The following EPHA6 variants were observed in gnomAD, a reference collection of about 807,000 sequenced individuals.
EPHA6 encodes the protein EPH receptor A6.
EPHA6 carries 50 observed loss-of-function variants against 112.0 expected under a neutral mutation model. That is an observed-to-expected ratio of 0.45 (90% confidence interval 0.36 to 0.56). EPHA6 has a LOEUF of 0.56. Ranked by LOEUF, EPHA6 falls within the 20% of genes least tolerant of loss-of-function variation. EPHA6 has a pLI of 0.00. For missense variants in EPHA6, 1,280 were observed against 1,417.4 expected (o/e 0.90, Z 1.56); for synonymous variants, 529 against 490.7 (o/e 1.08, Z -1.03).
chr3:97,004,546 T>C (rs2107917082), intron 3 of EPHA6, among the ~76,000 whole-genome samples: 1 of 152,372 alleles, frequency 6.6e-6, no homozygotes, highest in Middle Eastern at 3.4e-3. Context: ...ATTAGACATT[T>C]GTCAGATGAG....
At chr3:97,691,997 C>T (rs936382144) in intron 14 of EPHA6, among the ~76,000 whole-genome samples, 7 of 152,288 alleles carry the variant, frequency 4.6e-5, no homozygotes, top group African/African-American at 1.4e-4. Flanking sequence ...CTTTGACCAA[C>T]AATCATGGTC....
At chr3:97,434,073 T>C (rs2089676329) in intron 6 of EPHA6, among the ~76,000 whole-genome samples, 1 of 152,302 alleles carries the variant, frequency 6.6e-6, no homozygotes, top group East Asian at 1.9e-4. Flanking sequence ...TATTATTTCT[T>C]ACATCTGTGC....
chr3:97,256,365 G>C (rs1418604881), intron 5 of EPHA6, among the ~76,000 whole-genome samples: 2 of 151,912 alleles, frequency 1.3e-5, no homozygotes, highest in African/African-American at 4.8e-5. Context: ...GCAGAGTATG[G>C]GAAGAGTTTT....
chr3:97,456,514 A>G (rs1455765930), intron 7 of EPHA6, among the ~76,000 whole-genome samples: 1 of 152,162 alleles, frequency 6.6e-6, no homozygotes, highest in Non-Finnish European at 1.5e-5. Context: ...TATCCAATAA[A>G]TACACAATAC....
intron 12 of EPHA6, among the ~76,000 whole-genome samples, chr3:97,599,207 T>G (rs1195627846): frequency 1.1e-4 from 17 of 150,378 alleles, no homozygotes; most frequent in African/African-American, 3.9e-4. Context: ...TTTCTCCCAT[T>G]TTGTAGGTTG....
chr3:97,526,271 G>T (rs779006127), intron 10 of EPHA6, among the ~76,000 whole-genome samples: 18 of 152,170 alleles, frequency 1.2e-4, no homozygotes, highest in Admixed American at 2.0e-4. Context: ...AGACAAAAGG[G>T]GTCTGGACCT....
At position 97,618,604 on chromosome 3, in the gene EPHA6, C is replaced by G. The variant is rs540245486; in HGVS notation, c.2574+7750C>G. Among the ~76,000 whole-genome samples the G allele has an allele frequency of 2.2e-3, 329 of 152,088 alleles. 1 individual carries two copies. The highest frequency in any genetic ancestry group is 7.0e-3 in the African/African-American group (289 of 41,524). On this transcript the variant is annotated intron_variant, in intron 13 of 17. Coordinates refer to ENST00000389672, the MANE Select transcript of EPHA6 (RefSeq NM_001080448.3). Reference sequence around the variant, plus strand: ...AGGGAGATATTACCCCACAGAAATACAAGCAACGATCAGAGAATACTATAA... The same window carrying G: ...AGGGAGATATTACCCCACAGAAATAGAAGCAACGATCAGAGAATACTATAA...
intron 6 of EPHA6, chr3:97,447,829 G>T (rs2090401190): frequency 2.0e-6 from 2 of 1,010,970 alleles, no homozygotes; most frequent in Non-Finnish European, 2.4e-6. Context: ...GATTCTGCAG[G>T]TATGGTAAGT....
chr3:97,283,632 G>A (rs2080366200), intron 5 of EPHA6, among the ~76,000 whole-genome samples: 1 of 152,026 alleles, frequency 6.6e-6, no homozygotes, highest in South Asian at 2.1e-4. Flanking sequence ...GGGAGGGAGA[G>A]CATTGGGATA....
chr3:97,430,088 CAT>C (rs1332945599), intron 6 of EPHA6, among the ~76,000 whole-genome samples: 4 of 152,166 alleles, frequency 2.6e-5, no homozygotes, highest in African/African-American at 7.2e-5. Flanking sequence ...TTAAATATCA[CAT>C]AGTTTTATTT....
Position 97,749,222 on chromosome 3 carries a change from T to C in EPHA6, c.*521T>C, listed in dbSNP as rs2035834785. On this transcript the variant is annotated 3_prime_UTR_variant, in exon 18 of 18. Coordinates refer to ENST00000389672, the MANE Select transcript of EPHA6 (RefSeq NM_001080448.3). ...CTTTAACTGTTGGTGCCTGATATTG[T>C]TAGAATTATTTGCAGAAATGACCAG... 4.6e-6 allele frequency: 1 copy of C among 219,180 alleles called. No homozygotes were observed. The highest frequency in any genetic ancestry group is 9.1e-6 in the Non-Finnish European group (1 of 109,296). The allele number at this position is 219,180 out of a possible 1,614,324, so 13.6% of individuals were successfully genotyped here. A position where few individuals can be genotyped will look rare whatever the true frequency, so the allele number is the denominator to read the frequency against.
rs1288275294 is a variant in EPHA6, at chr3:96,934,943, A to G, written c.451-52387A>G. 3.9e-5 allele frequency among the ~76,000 whole-genome samples: 6 copies of G among 151,956 alleles called. No individual in the cohort carries two copies. The East Asian group carries it at 5.8e-4, about 15-fold the overall frequency. Reference sequence around the variant, plus strand: ...CATTACTTGTTTTTAATATACTAACATCATAAAGAAATGGGGATATGATAT... The same window carrying G: ...CATTACTTGTTTTTAATATACTAACGTCATAAAGAAATGGGGATATGATAT... On this transcript the variant is annotated intron_variant, in intron 2 of 17. Transcript: ENST00000389672.
At chr3:97,420,846 C>CA (rs148265178) in intron 6 of EPHA6, among the ~76,000 whole-genome samples, 5,593 of 128,972 alleles carry the variant, frequency 0.043, 106 homozygotes, top group Middle Eastern at 0.096. Context: ...GACAAACAGA[C>CA]AAAAAAAAAA....
intron 1 of EPHA6, among the ~76,000 whole-genome samples, chr3:96,847,506 C>T (rs768318790): frequency 3.3e-5 from 5 of 151,854 alleles, no homozygotes; most frequent in South Asian, 4.2e-4. Flanking sequence ...AGTAATGTTT[C>T]TCTTAAGAAG....
intron 3 of EPHA6, chr3:96,994,342 A>G (rs1373285472): frequency 1.3e-5 from 3 of 234,338 alleles, no homozygotes; most frequent in Non-Finnish European, 2.6e-5. Flanking sequence ...GGACATGTTG[A>G]TGTTACAGAT....
intron 12 of EPHA6, among the ~76,000 whole-genome samples, chr3:97,596,022 C>T (rs1305797240): frequency 6.6e-6 from 1 of 151,042 alleles, no homozygotes. Flanking sequence ...TCTCCTGCCT[C>T]AGCCTCACGA....
chr3:97,314,191 A>G (rs1405212349), intron 5 of EPHA6, among the ~76,000 whole-genome samples: 1 of 151,610 alleles, frequency 6.6e-6, no homozygotes, highest in African/African-American at 2.4e-5. Flanking sequence ...GACCGTAAAC[A>G]TGGTGTTTAT....
chr3:97,343,380 G>A (rs933174165), intron 5 of EPHA6, among the ~76,000 whole-genome samples: 13 of 152,096 alleles, frequency 8.5e-5, no homozygotes, highest in African/African-American at 2.2e-4. Flanking sequence ...GTGTTGAAGC[G>A]GCACCTTGGT....
At chr3:97,471,851 C>T (rs886211380) in intron 7 of EPHA6, among the ~76,000 whole-genome samples, 2 of 151,730 alleles carry the variant, frequency 1.3e-5, no homozygotes, top group Non-Finnish European at 3.0e-5. Flanking sequence ...AACAAATTGT[C>T]ACTAAGTCAA....
Sources: allele counts gnomAD v4.1 joint callset (sites outside exome capture counted in the v4.1 genomes callset), GRCh38; gene constraint gnomAD v4.1.1; transcripts MANE v1.5; gene names NCBI Gene and HGNC (gene_info 2026-07-23, HGNC 2026-07-21).